The following PLCL1 variants were observed in gnomAD, a reference collection of about 807,000 sequenced individuals.
PLCL1 encodes inactive phospholipase C-like protein 1.
In PLCL1, 41 loss-of-function variants were observed where a neutral mutation model predicts 84.4. That is an observed-to-expected ratio of 0.49 (90% CI 0.38 to 0.63). PLCL1 has a LOEUF of 0.63. PLCL1 is among the 30% of genes least tolerant of loss of function. PLCL1 has a pLI of 0.00. For missense variants in PLCL1, 1,206 were observed against 1,367.8 expected (o/e 0.88, Z 1.87); for synonymous variants, 490 against 488.3 (o/e 1.00, Z -0.05).
At chr2:197,928,088 A>G (rs1048473428) in intron 1 of PLCL1, among the ~76,000 whole-genome samples, 4 of 152,302 alleles carry the variant, frequency 2.6e-5, no homozygotes, top group Admixed American at 6.5e-5. Flanking sequence ...TTATATGCAT[A>G]TATTTCAACC....
At position 197,919,770 on chromosome 2, in the gene PLCL1, G is replaced by A. The variant is rs577813326; in HGVS notation, c.240+114431G>A. ...AAATATGTGTCCAAATGGAGCTTCT[G>A]TATGCCTGATTCTCTGAGTGACTAA... On this transcript the variant is annotated intron_variant, in intron 1 of 5. Transcript: ENST00000428675. Among the ~76,000 whole-genome samples the A allele has an allele frequency of 9.8e-5, 15 of 152,318 alleles. No individual in the cohort carries two copies. The South Asian group carries it at 3.1e-3, about 32-fold the overall frequency.
At chr2:197,810,082 T>C (rs1221686498) in intron 1 of PLCL1, among the ~76,000 whole-genome samples, 2 of 152,158 alleles carry the variant, frequency 1.3e-5, no homozygotes, top group Non-Finnish European at 2.9e-5. Context: ...GCTGAGAGTG[T>C]GCCCTGGGGG....
At chr2:197,995,159 C>T (rs1690431548) in intron 1 of PLCL1, among the ~76,000 whole-genome samples, 1 of 152,094 alleles carries the variant, frequency 6.6e-6, no homozygotes, top group Non-Finnish European at 1.5e-5. Flanking sequence ...TAATGTCAGC[C>T]TTCTCTGTGT....
intron 1 of PLCL1, among the ~76,000 whole-genome samples, chr2:197,830,488 A>G (rs776370428): frequency 1.1e-4 from 16 of 152,076 alleles, no homozygotes; most frequent in Non-Finnish European, 2.1e-4. Context: ...AATGAAAAGG[A>G]ATGAACAAAG....
intron 1 of PLCL1, among the ~76,000 whole-genome samples, chr2:197,824,776 T>G (rs1414878155): frequency 1.3e-5 from 2 of 151,912 alleles, no homozygotes; most frequent in Non-Finnish European, 1.5e-5. Context: ...TGTTTGTTTA[T>G]GAGTCTGTCT....
intron 1 of PLCL1, among the ~76,000 whole-genome samples, chr2:197,856,038 T>C (rs963267484): frequency 2.6e-5 from 4 of 152,130 alleles, no homozygotes; most frequent in African/African-American, 9.7e-5. Context: ...CCCACCAAAT[T>C]TTGTCTCACT....
rs1687934732 is a variant in PLCL1 at position 197,886,953 on chromosome 2, CA to C, written c.240+81615del. Among the ~76,000 whole-genome samples, 3 of 152,308 alleles carry C rather than the reference CA, an allele frequency of 2.0e-5. No individual in the cohort carries two copies. In the South Asian group the frequency reaches 6.2e-4, roughly 32 times the overall value. On this transcript the variant is annotated intron_variant, in intron 1 of 5. Coordinates refer to ENST00000428675, the MANE Select transcript of PLCL1 (RefSeq NM_006226.4). ...CTCTTCAGTTTGCAAGCTGCTTTAA[CA>C]TACATTATTTTATCTAATTGGCTCC... is the stretch of plus-strand genomic sequence containing the variant.
intron 1 of PLCL1, among the ~76,000 whole-genome samples, chr2:197,896,180 T>C (rs1688129807): frequency 6.6e-6 from 1 of 152,016 alleles, no homozygotes; most frequent in Non-Finnish European, 1.5e-5. Context: ...GACTTTATGT[T>C]CTGTTAATAC....
chr2:197,857,389 G>C (rs79138358), intron 1 of PLCL1, among the ~76,000 whole-genome samples: 2,258 of 152,138 alleles, frequency 0.015, 64 homozygotes, highest in African/African-American at 0.052. Context: ...TTCTCCCAAG[G>C]TTAAACCTTA....
chr2:197,960,121 T>C (rs1689581578), intron 1 of PLCL1, among the ~76,000 whole-genome samples: 1 of 152,114 alleles, frequency 6.6e-6, no homozygotes, highest in African/African-American at 2.4e-5. Flanking sequence ...GTTCCTCAGA[T>C]CACTGCCTTC....
chr2:197,978,793 C>T (rs1690041819), intron 1 of PLCL1, among the ~76,000 whole-genome samples: 1 of 152,336 alleles, frequency 6.6e-6, no homozygotes. Context: ...GACACACACC[C>T]ACACTCACTC....
Position 198,146,768 on chromosome 2 carries a change from TTC to T in PLCL1, c.3106-10_3106-9del, listed in dbSNP as rs780160674. ...ACTGTCTTCTTTGATGCCTGTTTTT[TTC>T]TGTTTGTAGGGCCAAGGAGATCTGT... On this transcript the variant is annotated splice_polypyrimidine_tract_variant and intron_variant, in intron 5 of 5. Coordinates refer to ENST00000428675, the MANE Select transcript of PLCL1 (RefSeq NM_006226.4). The T allele has an allele frequency of 1.2e-6, 2 of 1,605,016 alleles. No individual in the cohort carries two copies. The highest frequency in any genetic ancestry group is 2.2e-5 in the East Asian group (1 of 44,690).
intron 1 of PLCL1, among the ~76,000 whole-genome samples, chr2:197,853,940 C>G (rs1481704540): frequency 6.6e-6 from 1 of 152,154 alleles, no homozygotes; most frequent in Non-Finnish European, 1.5e-5. Flanking sequence ...TAGGATCTAT[C>G]TGGAGGGGGC....
intron 1 of PLCL1, among the ~76,000 whole-genome samples, chr2:197,976,710 G>C (rs563152439): frequency 6.6e-6 from 1 of 152,298 alleles, no homozygotes; most frequent in African/African-American, 2.4e-5. Flanking sequence ...GCCTCCCAAA[G>C]TGCTGGGATT....
intron 1 of PLCL1, among the ~76,000 whole-genome samples, chr2:198,026,347 T>G (rs567969597): frequency 7.2e-5 from 11 of 152,336 alleles, no homozygotes; most frequent in African/African-American, 2.6e-4. Context: ...CTATTTTTCA[T>G]GGAGCATGTT....
intron 5 of PLCL1, among the ~76,000 whole-genome samples, chr2:198,119,924 A>T (rs1331860446): frequency 6.6e-6 from 1 of 151,962 alleles, no homozygotes; most frequent in Non-Finnish European, 1.5e-5. Flanking sequence ...GCACACCTTG[A>T]TCTATGTGAC....
intron 1 of PLCL1, among the ~76,000 whole-genome samples, 186 bp from the exon 2 acceptor site, chr2:198,083,572 G>C (rs1692776194): frequency 6.6e-6 from 1 of 152,140 alleles, no homozygotes; most frequent in Non-Finnish European, 1.5e-5. Context: ...GTTTTTGCCT[G>C]AATCCTGTAA....
intron 1 of PLCL1, among the ~76,000 whole-genome samples, chr2:198,038,153 T>C (rs1356219947): frequency 1.3e-5 from 2 of 152,178 alleles, no homozygotes; most frequent in South Asian, 2.1e-4. Flanking sequence ...AGAAAAGGGC[T>C]TTTGTTCTAG....
At chr2:197,826,757 G>A (rs2106421998) in intron 1 of PLCL1, among the ~76,000 whole-genome samples, 1 of 152,270 alleles carries the variant, frequency 6.6e-6, no homozygotes, top group East Asian at 1.9e-4. Flanking sequence ...TATAGGTGCT[G>A]TAACAGAAGT....
Sources: gnomAD v4.1 joint callset for allele counts (sites outside exome capture counted in the v4.1 genomes callset) on GRCh38, gnomAD v4.1.1 for gene constraint, MANE v1.5 for transcripts, NCBI Gene and HGNC (gene_info 2026-07-23, HGNC 2026-07-21) for gene names.